COL4A3: variants seen among roughly 807,000 people sequenced by gnomAD.
COL4A3 encodes collagen alpha-3(IV) chain.
Under a neutral mutation model 217.4 loss-of-function variants are expected in COL4A3, and 135 were observed. The ratio of observed to expected loss-of-function variants is 0.62; its 90% CI spans 0.54 to 0.72. The LOEUF (loss-of-function observed/expected upper bound fraction) is 0.72, where lower values mean the gene tolerates loss of function less well. Among genes scored for constraint, COL4A3 ranks in the 30% least tolerant of loss-of-function variants. COL4A3 has a pLI of 0.00. For missense variants in COL4A3, 1,868 were observed against 2,119.9 expected, an observed-to-expected ratio of 0.88 and a Z score of 2.33; for synonymous variants, 690 against 736.3, an observed-to-expected ratio of 0.94 and a Z score of 1.02.
chr2:227,217,613 A>C (rs1446865104), intron 1 of COL4A3, among the ~76,000 whole-genome samples: 1 of 152,186 alleles, frequency 6.6e-6, no homozygotes, highest in East Asian at 1.9e-4. Flanking sequence ...GGGTTTATTA[A>C]AATAAAATAT....
Position 227,274,951 on chromosome 2 carries a change from T to C in COL4A3, c.1928-1434T>C, listed in dbSNP as rs541405817. On this transcript the variant is annotated intron_variant, in intron 26 of 51. Transcript: ENST00000396578. ...AAAAATGTTTAATGATATTTTGTGA[T>C]GCATGAAAATTACATGAAATTCAAA... Among the ~76,000 whole-genome samples, 142 of 152,356 alleles carry C rather than the reference T, an allele frequency of 9.3e-4. 2 individuals are homozygous for C. The Middle Eastern group carries it at 0.01, about 11-fold the overall frequency.
At chr2:227,182,873 A>G (rs532172383) in intron 1 of COL4A3, among the ~76,000 whole-genome samples, 1 of 152,340 alleles carries the variant, frequency 6.6e-6, no homozygotes, top group South Asian at 2.1e-4. Flanking sequence ...AACATTTGCA[A>G]TGTGTTTAAT....
intron 1 of COL4A3, among the ~76,000 whole-genome samples, chr2:227,202,652 G>A (rs1385629620): frequency 6.7e-6 from 1 of 150,128 alleles, no homozygotes; most frequent in African/African-American, 2.4e-5. Flanking sequence ...GGAGAATGGT[G>A]TGAACCCGGG....
chr2:227,304,730 A>G (rs903038536), intron 46 of COL4A3, among the ~76,000 whole-genome samples: 5 of 152,214 alleles, frequency 3.3e-5, no homozygotes, highest in African/African-American at 1.2e-4. Context: ...GAAGAACATA[A>G]ATAAAAATTG....
At chr2:227,212,640 A>G (rs2067372021) in intron 1 of COL4A3, among the ~76,000 whole-genome samples, 2 of 152,326 alleles carry the variant, frequency 1.3e-5, no homozygotes, top group South Asian at 2.1e-4. Context: ...CCAACACCAC[A>G]GTATCTTAAT....
intron 50 of COL4A3, 54 bp downstream of exon 50, chr2:227,309,372 C>A (rs1413043596): frequency 2.2e-6 from 3 of 1,358,146 alleles, no homozygotes; most frequent in African/African-American, 1.4e-5. Context: ...TAGAATGTTA[C>A]ATTGTGCTGG....
chr2:227,201,576 CTG>C (rs2125737415), intron 1 of COL4A3, among the ~76,000 whole-genome samples: 1 of 152,350 alleles, frequency 6.6e-6, no homozygotes, highest in East Asian at 1.9e-4. Context: ...TTTCAATAGA[CTG>C]TGAAATCCAA....
chr2:227,297,675 A>G lies in COL4A3; in HGVS notation c.3567A>G (p.Gly1189=). The part of the protein sequence containing the change: ...PGPRGNPGAQ[G]AKGDRGAPGF... ...CTTATTAAGCCTTCTTCTTTGCAGG[A>G]GCCAAAGGAGACAGGGGAGCCCCAG... is the stretch of plus-strand genomic sequence containing the variant. Residue 1189 remains glycine (G), a splice_region_variant and synonymous_variant, in exon 42 of 52, where the codon GGA becomes GGG. Coordinates refer to ENST00000396578, the MANE Select transcript of COL4A3 (RefSeq NM_000091.5). 1 of 1,606,366 alleles carries G rather than the reference A, an allele frequency of 6.2e-7. No individual in the cohort carries two copies. Among genetic ancestry groups the G allele is most frequent in the Non-Finnish European group, 8.5e-7 (1 of 1,177,226 alleles).
chr2:227,210,821 ATACT>A (rs1209918716), intron 1 of COL4A3, among the ~76,000 whole-genome samples: 2 of 152,068 alleles, frequency 1.3e-5, no homozygotes, highest in Non-Finnish European at 2.9e-5. Flanking sequence ...CTCCCCATAA[ATACT>A]TATTCCCAAA....
intron 1 of COL4A3, among the ~76,000 whole-genome samples, chr2:227,210,427 C>G (rs1277782922): frequency 6.7e-6 from 1 of 149,682 alleles, no homozygotes; most frequent in African/African-American, 2.5e-5. Context: ...CCCATCTCTA[C>G]TAAAAATAAA....
At chr2:227,226,492 T>C (rs1025246993) in intron 1 of COL4A3, among the ~76,000 whole-genome samples, 15 of 148,480 alleles carry the variant, frequency 1.0e-4, no homozygotes, top group Admixed American at 9.4e-4. Context: ...TTTTTTTAGA[T>C]GGAGTCTTGC....
At chr2:227,265,981 T>G (rs888720573) in intron 21 of COL4A3, 11 of 186,618 alleles carry the variant, frequency 5.9e-5, no homozygotes, top group African/African-American at 1.7e-4. Flanking sequence ...TCAGATCTCA[T>G]AAGCACTCAT....
intron 3 of COL4A3, among the ~76,000 whole-genome samples, chr2:227,241,029 T>A (rs2068988506): frequency 6.6e-6 from 1 of 152,198 alleles, no homozygotes; most frequent in African/African-American, 2.4e-5. Flanking sequence ...TGTCTCTCTA[T>A]CCTTCCCTTC....
In COL4A3 at chr2:227,210,461, G is replaced by A. The variant is rs912648615; in HGVS notation, c.88-27507G>A. 6.5e-5 allele frequency among the ~76,000 whole-genome samples: 9 copies of A among 138,064 alleles called. 2 individuals carry two copies. The highest frequency in any genetic ancestry group is 4.6e-4 in the South Asian group (2 of 4,372). The allele number at this position is 138,064 out of a possible 152,430, so 90.6% of individuals were successfully genotyped here. A position where few individuals can be genotyped will look rare whatever the true frequency, so the allele number is the denominator to read the frequency against. On this transcript the variant is annotated intron_variant, in intron 1 of 51. Coordinates refer to ENST00000396578, the MANE Select transcript of COL4A3 (RefSeq NM_000091.5). ...AAAAATTAGCCAAGTGTGGTGGCACGCACCTGTAGTCCCAGCTACTCAGGA... is the reference window on the plus strand; with the variant it reads ...AAAAATTAGCCAAGTGTGGTGGCACACACCTGTAGTCCCAGCTACTCAGGA...
chr2:227,215,051 A>G (rs2067474373), intron 1 of COL4A3, among the ~76,000 whole-genome samples: 1 of 152,242 alleles, frequency 6.6e-6, no homozygotes, highest in Non-Finnish European at 1.5e-5. Context: ...TGGGATTAAA[A>G]TGAGAAATTA....
At chr2:227,249,231 T>TATA (rs71036175) in intron 9 of COL4A3, among the ~76,000 whole-genome samples, 4 of 19,506 alleles carry the variant, frequency 2.1e-4, no homozygotes, top group East Asian at 4.5e-3. Context: ...TATATATATA[T>TATA]TTTTTTTTTT....
intron 43 of COL4A3, among the ~76,000 whole-genome samples, chr2:227,302,677 C>CAAAA (rs56065709): frequency 0.013 from 1,010 of 79,776 alleles, 94 homozygotes; most frequent in African/African-American, 0.019. Context: ...ACTCTTTCTC[C>CAAAA]AAAAAAAAAA....
At chr2:227,278,826 C>T (rs2071755021) in intron 28 of COL4A3, among the ~76,000 whole-genome samples, 1 of 152,192 alleles carries the variant, frequency 6.6e-6, no homozygotes, top group Non-Finnish European at 1.5e-5. Flanking sequence ...ATCCCATGAA[C>T]TAACTGCAAA....
chr2:227,189,302 G>C (rs2066143771), intron 1 of COL4A3, among the ~76,000 whole-genome samples: 1 of 152,132 alleles, frequency 6.6e-6, no homozygotes, highest in Admixed American at 6.5e-5. Context: ...TTGTGGTGTG[G>C]GAAATGGATT....
Sources: allele counts gnomAD v4.1 joint callset (sites outside exome capture counted in the v4.1 genomes callset), GRCh38; gene constraint gnomAD v4.1.1; transcripts MANE v1.5; gene names NCBI Gene and HGNC (gene_info 2026-07-23, HGNC 2026-07-21).